SENP8: variants seen among roughly 807,000 people sequenced by gnomAD.
SENP8 encodes SUMO peptidase family member, NEDD8 specific.
SENP8 carries 10 observed loss-of-function variants against 14.4 expected under a neutral mutation model. The ratio of observed to expected loss-of-function variants is 0.69; its 90% CI spans 0.43 to 1.18. SENP8 has a LOEUF of 1.18. Ranked by LOEUF, SENP8 falls within the 50% of genes most tolerant of loss-of-function variation. The probability of loss-of-function intolerance (pLI) is 0.00; values close to 1 mark genes in which losing one functional copy is unlikely to be tolerated. For synonymous variants in SENP8, 94 were observed against 95.5 expected (o/e 0.98, Z 0.09); for missense variants, 202 against 249.4 (o/e 0.81, Z 1.28).
In SENP8 at chr15:72,140,892, C is replaced by G. The variant is rs749580148; in HGVS notation, c.*630C>G. 1 of 167,148 alleles carries G rather than the reference C, an allele frequency of 6.0e-6. No individual in the cohort carries two copies. The highest frequency in any genetic ancestry group is 1.5e-5 in the Non-Finnish European group (1 of 68,162). The allele number at this position is 167,148 out of a possible 1,614,324, so 10.4% of individuals were successfully genotyped here. ...AAAGATGATGTTACCCTATCTTCCT[C>G]CATCTGATTCCTGGAATGCTTGAAG... is the stretch of plus-strand genomic sequence containing the variant. On this transcript the variant is annotated 3_prime_UTR_variant, in exon 2 of 2. Transcript: ENST00000340912.
chr15:72,126,036 G>A (rs1005871961), intron 1 of SENP8, among the ~76,000 whole-genome samples: 1 of 151,888 alleles, frequency 6.6e-6, no homozygotes, highest in Non-Finnish European at 1.5e-5. Context: ...TTGGCCAGGC[G>A]GGTCTCAAGC....
Position 72,140,124 on chromosome 15 carries a change from G to A in SENP8, c.501G>A (p.Val167=). ...QQNSYDCGMY[V]ICNTEALCQN... is the part of the protein sequence containing the mutation. ...ACAGCTATGACTGTGGGATGTACGT[G>A]ATATGTAACACTGAGGCCTTGTGTC... The change falls in exon 2 of 2, where the codon GTG becomes GTA. Residue 167 remains valine (V), a synonymous_variant. Transcript: ENST00000340912. 1 of 1,614,162 alleles carries A rather than the reference G, an allele frequency of 6.2e-7. No homozygotes were observed. The highest frequency in any genetic ancestry group is 2.2e-5 in the East Asian group (1 of 44,888).
intron 1 of SENP8, chr15:72,134,917 G>A (rs2081311724): frequency 3.4e-6 from 1 of 291,828 alleles, no homozygotes; most frequent in Non-Finnish European, 6.8e-6. Flanking sequence ...TGCATATTGA[G>A]TGCATTAAGC....
At chr15:72,122,927 A>G (rs2081181620) in intron 1 of SENP8, among the ~76,000 whole-genome samples, 1 of 152,212 alleles carries the variant, frequency 6.6e-6, no homozygotes, top group Admixed American at 6.5e-5. Flanking sequence ...TATAGTTACT[A>G]TTTTGAGCAT....
upstream of SENP8, chr15:72,117,237 G>A (rs544266203): frequency 6.6e-6 from 1 of 152,378 alleles, no homozygotes; most frequent in African/African-American, 2.4e-5. Context: ...GCTTGGTGAT[G>A]AGCGAGCTGG....
At chr15:72,135,043 A>G in intron 1 of SENP8, 1 of 330,986 alleles carries the variant, frequency 3.0e-6, no homozygotes, top group Non-Finnish European at 6.0e-6. Flanking sequence ...CTCCACCCAG[A>G]GAAGCACACT....
chr15:72,123,900 A>G (rs773737552), intron 1 of SENP8, among the ~76,000 whole-genome samples: 63 of 152,340 alleles, frequency 4.1e-4, no homozygotes, highest in African/African-American at 9.6e-4. Context: ...TTCATGGTCA[A>G]TGACACCTTA....
At chr15:72,138,806 CA>C (rs916612686) in intron 1 of SENP8, among the ~76,000 whole-genome samples, 87 of 147,986 alleles carry the variant, frequency 5.9e-4, no homozygotes, top group Non-Finnish European at 6.6e-4. Context: ...ACTAAAAATA[CA>C]AAAAAAAATT....
chr15:72,117,341 G>A (rs1000263203), upstream of SENP8, among the ~76,000 whole-genome samples: 2 of 152,140 alleles, frequency 1.3e-5, no homozygotes, highest in African/African-American at 4.8e-5. Flanking sequence ...CTGTAATCAC[G>A]TCAGCCCAAG....
At chr15:72,137,959 G>A (rs1393284394) in intron 1 of SENP8, among the ~76,000 whole-genome samples, 6 of 151,374 alleles carry the variant, frequency 4.0e-5, no homozygotes, top group African/African-American at 1.2e-4. Flanking sequence ...GTGACAGTGC[G>A]AGACTCCATC....
rs748611390 is a variant in SENP8 at position 72,139,791 on chromosome 15, T to G, written c.168T>G (p.Pro56=). Reference sequence around the variant, plus strand: ...CTGATCACGTCAGTTTCATCAGCCCTGAAGTCACCCAGTTCATCAAGTGCA... The same window carrying G: ...CTGATCACGTCAGTTTCATCAGCCCGGAAGTCACCCAGTTCATCAAGTGCA... ...DCSDHVSFIS[P]EVTQFIKCTS... The change falls in exon 2 of 2, where the codon CCT becomes CCG. Residue 56 remains proline, a synonymous_variant. Transcript: ENST00000340912. The G allele has an allele frequency of 6.8e-6, 11 of 1,614,072 alleles. No individual in the cohort carries two copies. The highest frequency in any genetic ancestry group is 8.5e-6 in the Non-Finnish European group (10 of 1,180,032).
At position 72,130,121 on chromosome 15, in the gene SENP8, C is replaced by T. The variant is rs549074716; in HGVS notation, c.-47-9456C>T. On this transcript the variant is annotated intron_variant, in intron 1 of 1. Transcript: ENST00000340912. ...AGGAGAATCACTTGAACCTGGGAGGCAGAGGTTACAGTGAGCTGAGATCGC... is the reference window on the plus strand; with the variant it reads ...AGGAGAATCACTTGAACCTGGGAGGTAGAGGTTACAGTGAGCTGAGATCGC... Among the ~76,000 whole-genome samples, 22 of 152,206 alleles carry T rather than the reference C, an allele frequency of 1.4e-4. 1 individual carries two copies. In the South Asian group the frequency reaches 3.7e-3, roughly 26 times the overall value.
At chr15:72,136,241 G>A (rs1005380019) in intron 1 of SENP8, among the ~76,000 whole-genome samples, 4 of 152,064 alleles carry the variant, frequency 2.6e-5, no homozygotes, top group South Asian at 4.1e-4. Flanking sequence ...AAAAACTATC[G>A]GACTATAATA....
chr15:72,126,338 T>C (rs2081218903), intron 1 of SENP8, among the ~76,000 whole-genome samples: 1 of 152,096 alleles, frequency 6.6e-6, no homozygotes, highest in South Asian at 2.1e-4. Context: ...AAAGAAAATT[T>C]CCGGGCCAGG....
chr15:72,140,211 AAAG>A lies in SENP8; in HGVS notation c.593_595del (p.Lys198del). The A allele has an allele frequency of 6.2e-7, 1 of 1,614,170 alleles. No individual in the cohort carries two copies. Among genetic ancestry groups the A allele is most frequent in the Non-Finnish European group, 8.5e-7 (1 of 1,180,012 alleles). On this transcript the variant is annotated inframe_deletion, in exon 2 of 2. Coordinates refer to ENST00000340912, the MANE Select transcript of SENP8 (RefSeq NM_145204.4). ...AGCTACTCACCCCTGCATACATCACAAAGAAGAGGGGAGAATGGAAAGATCTCA... is the reference window on the plus strand; with the variant it reads ...AGCTACTCACCCCTGCATACATCACAAAGAGGGGAGAATGGAAAGATCTCA...
intron 1 of SENP8, among the ~76,000 whole-genome samples, chr15:72,138,652 G>C (rs141144955): frequency 6.6e-6 from 1 of 151,064 alleles, no homozygotes; most frequent in Non-Finnish European, 1.5e-5. Flanking sequence ...ACCCAGCCTA[G>C]GTGTAGGATT....
chr15:72,118,261 T>C, upstream of SENP8: 1 of 305,834 alleles, frequency 3.3e-6, no homozygotes, highest in Non-Finnish European at 6.0e-6. Context: ...CACGCCCCCT[T>C]TCCTACGCCC....
At chr15:72,135,798 C>G (rs1366458115) in intron 1 of SENP8, among the ~76,000 whole-genome samples, 1 of 152,216 alleles carries the variant, frequency 6.6e-6, no homozygotes, top group Non-Finnish European at 1.5e-5. Context: ...TGGACATTCC[C>G]TTCAAGGTGA....
upstream of SENP8, among the ~76,000 whole-genome samples, chr15:72,115,127 T>C (rs1324324017): frequency 1.3e-5 from 2 of 152,242 alleles, no homozygotes; most frequent in Non-Finnish European, 2.9e-5. Flanking sequence ...TCACTGTTAA[T>C]GCTTAAACTA....
Sources: gnomAD v4.1 joint callset for allele counts (sites outside exome capture counted in the v4.1 genomes callset) on GRCh38, gnomAD v4.1.1 for gene constraint, MANE v1.5 for transcripts, NCBI Gene and HGNC (gene_info 2026-07-23, HGNC 2026-07-21) for gene names.